ADGRV1: variants seen among roughly 807,000 people sequenced by gnomAD.
ADGRV1 encodes the protein adhesion G protein-coupled receptor V1, also known as G-protein coupled receptor 98.
Under a neutral mutation model 596.2 loss-of-function variants are expected in ADGRV1, and 359 were observed. That is an observed-to-expected ratio of 0.60 (90% confidence interval 0.55 to 0.66). ADGRV1 has a LOEUF of 0.66. ADGRV1 is among the 30% of genes least tolerant of loss of function. ADGRV1 has a pLI of 0.00. For missense variants in ADGRV1, 7,274 were observed against 7,575.6 expected, an observed-to-expected ratio of 0.96 and a Z score of 1.48; for synonymous variants, 2,681 against 2,679.2, an observed-to-expected ratio of 1.00 and a Z score of -0.02.
intron 85 of ADGRV1, among the ~76,000 whole-genome samples, chr5:91,044,759 T>C (rs924520649): frequency 6.6e-6 from 1 of 152,198 alleles, no homozygotes; most frequent in Non-Finnish European, 1.5e-5. Context: ...GATAAAAGAA[T>C]AAATGTTTCT....
chr5:91,099,364 G>A (rs749569245), intron 86 of ADGRV1, among the ~76,000 whole-genome samples: 6 of 150,966 alleles, frequency 4.0e-5, no homozygotes, highest in East Asian at 3.9e-4. Context: ...TCCCTTTCCC[G>A]AACAATTCCA....
In ADGRV1 at chr5:90,754,855, T is replaced by C. The variant is rs1362099715; in HGVS notation, c.11378-128T>C. The stretch of plus-strand genomic sequence containing the variant: ...GAATGATCCTTGGGAGTATACATTG[T>C]CTTTGTTTTACTTCTTTTTCCTTAA... On this transcript the variant is annotated intron_variant, in intron 54 of 89. Coordinates refer to ENST00000405460, the MANE Select transcript of ADGRV1 (RefSeq NM_032119.4). The C allele has an allele frequency of 2.6e-5, 17 of 656,886 alleles. No individual in the cohort carries two copies. The East Asian group carries it at 2.8e-4, about 11-fold the overall frequency. 40.7% of individuals were successfully genotyped at this position (656,886 alleles called of 1,614,324 possible).
intron 85 of ADGRV1, among the ~76,000 whole-genome samples, chr5:91,025,264 A>G (rs370085093): frequency 2.0e-5 from 3 of 152,140 alleles, no homozygotes; most frequent in African/African-American, 7.2e-5. Context: ...TAAAAATCAC[A>G]CAAGTAGTCA....
intron 85 of ADGRV1, among the ~76,000 whole-genome samples, chr5:91,031,940 T>A (rs1459850230): frequency 6.6e-6 from 1 of 152,168 alleles, no homozygotes; most frequent in Non-Finnish European, 1.5e-5. Flanking sequence ...AAATAATTAA[T>A]TACGTGATAT....
At chr5:90,678,504 C>T (rs1283696075) in intron 25 of ADGRV1, among the ~76,000 whole-genome samples, 1 of 150,152 alleles carries the variant, frequency 6.7e-6, no homozygotes, top group Admixed American at 6.7e-5. Context: ...TAGTCCATTT[C>T]GTGCTGCTAT....
In ADGRV1 at chr5:90,644,718, T is replaced by C; in HGVS notation, c.2747T>C (p.Val916Ala). ...TTCCATTTCACAGCTGTTTATGATGTAGTAAGAAATCGAGGCAACTTTGGT... is the reference window on the plus strand; with the variant it reads ...TTCCATTTCACAGCTGTTTATGATGCAGTAAGAAATCGAGGCAACTTTGGT... The part of the protein sequence containing the change: ...GDAIYSAVYD[V>A]VRNRGNFGDV... The change falls in exon 15 of 90, where the codon GTA becomes GCA. Residue 916 changes from valine (V) to alanine (A), a missense_variant. Val to Ala is a moderately conservative substitution (Grantham distance 64, BLOSUM62 0). Coordinates refer to ENST00000405460, the MANE Select transcript of ADGRV1 (RefSeq NM_032119.4). 1 of 1,608,502 alleles carries C rather than the reference T, an allele frequency of 6.2e-7. No homozygotes were observed.
chr5:90,567,475 T>C (rs1755788889), intron 1 of ADGRV1, among the ~76,000 whole-genome samples: 1 of 152,212 alleles, frequency 6.6e-6, no homozygotes, highest in Non-Finnish European at 1.5e-5. Flanking sequence ...CAATTACTAA[T>C]TCAATCTATT....
chr5:90,960,235 T>C (rs1581636521), intron 83 of ADGRV1, among the ~76,000 whole-genome samples: 1 of 151,900 alleles, frequency 6.6e-6, no homozygotes, highest in South Asian at 2.1e-4. Context: ...GAGAAAACTT[T>C]TGGGGCTGAT....
At chr5:90,983,293 C>T (rs1780230652) in intron 84 of ADGRV1, among the ~76,000 whole-genome samples, 1 of 152,138 alleles carries the variant, frequency 6.6e-6, no homozygotes. Context: ...AGCCTGTGGT[C>T]AAGGCCAGAC....
chr5:91,022,053 A>G (rs779647188), intron 85 of ADGRV1, among the ~76,000 whole-genome samples: 2 of 152,086 alleles, frequency 1.3e-5, no homozygotes, highest in Non-Finnish European at 2.9e-5. Flanking sequence ...CATACAAACA[A>G]ATGATAGCGC....
chr5:90,977,126 T>G (rs1581691440), intron 84 of ADGRV1, among the ~76,000 whole-genome samples: 1 of 152,288 alleles, frequency 6.6e-6, no homozygotes, highest in East Asian at 1.9e-4. Context: ...GATTTAATTT[T>G]GGGGGACATC....
rs564675314 is a variant in ADGRV1 at position 90,803,288 on chromosome 5, T to C, written c.14661+406T>C. 5.3e-5 allele frequency among the ~76,000 whole-genome samples: 8 copies of C among 152,338 alleles called. No individual in the cohort carries two copies. In the East Asian group the frequency reaches 1.2e-3, roughly 22 times the overall value. On this transcript the variant is annotated intron_variant, in intron 71 of 89. Transcript: ENST00000405460. ...ATGCTGATGGTCAGATCCTGTGATATGGTTGCAACTAAGTATTTGCATCTT... is the reference window on the plus strand; with the variant it reads ...ATGCTGATGGTCAGATCCTGTGATACGGTTGCAACTAAGTATTTGCATCTT...
intron 43 of ADGRV1, among the ~76,000 whole-genome samples, 169 bp from the exon 44 acceptor site, chr5:90,719,879 C>T (rs1181544271): frequency 6.6e-6 from 1 of 152,140 alleles, no homozygotes; most frequent in Non-Finnish European, 1.5e-5. Flanking sequence ...AAAGTAGTAA[C>T]CTGAAACAGA....
At chr5:91,146,930 G>A (rs1490511672) in intron 87 of ADGRV1, among the ~76,000 whole-genome samples, 1 of 152,178 alleles carries the variant, frequency 6.6e-6, no homozygotes, top group African/African-American at 2.4e-5. Context: ...GGGAGGCCAA[G>A]GTGGGCATAT....
At chr5:90,874,950 C>T (rs568186991) in intron 83 of ADGRV1, among the ~76,000 whole-genome samples, 63 of 152,286 alleles carry the variant, frequency 4.1e-4, no homozygotes, top group African/African-American at 1.5e-3. Context: ...GCATTCTTGG[C>T]AATCTAAAAC....
chr5:90,612,915 G>A (rs1037289420), intron 1 of ADGRV1, among the ~76,000 whole-genome samples: 2 of 152,074 alleles, frequency 1.3e-5, no homozygotes, highest in South Asian at 4.1e-4. Context: ...CCAAGGATGA[G>A]TTGGATCAGA....
At chr5:90,961,013 T>C (rs1380511322) in intron 83 of ADGRV1, among the ~76,000 whole-genome samples, 1 of 152,186 alleles carries the variant, frequency 6.6e-6, no homozygotes, top group Non-Finnish European at 1.5e-5. Flanking sequence ...CTCCATACCC[T>C]GCTACAATAC....
intron 83 of ADGRV1, among the ~76,000 whole-genome samples, chr5:90,897,517 G>A (rs561112075): frequency 1.4e-5 from 2 of 138,940 alleles, no homozygotes; most frequent in South Asian, 4.6e-4. Context: ...GCAAGCATTA[G>A]CACAGTGCTT....
chr5:90,635,274 A>T lies in ADGRV1; in HGVS notation c.2000A>T (p.Asp667Val). 1 of 1,611,402 alleles carries T rather than the reference A, an allele frequency of 6.2e-7. No individual in the cohort carries two copies. Among genetic ancestry groups the T allele is most frequent in the Non-Finnish European group, 8.5e-7 (1 of 1,178,768 alleles). Residue 667 changes from aspartate (D) to valine (V), a missense_variant, in exon 10 of 90, where the codon GAT becomes GTT. By Grantham distance (152) the Asp-to-Val change is radical. Coordinates refer to ENST00000405460, the MANE Select transcript of ADGRV1 (RefSeq NM_032119.4). ...CCAATTATTTTGCATGAACCAGAAG[A>T]TTTTGCTGCTGAAGTGGTAAGTAGG... ...NLPIILHEPE[D>V]FAAEVVYIPL... is the part of the protein sequence containing the mutation.
Sources: allele counts gnomAD v4.1 joint callset (sites outside exome capture counted in the v4.1 genomes callset), GRCh38; gene constraint gnomAD v4.1.1; transcripts MANE v1.5; gene names NCBI Gene and HGNC (gene_info 2026-07-23, HGNC 2026-07-21).